Variants in MAGI2 observed in about 807,000 individuals in gnomAD.
The protein encoded by MAGI2 is membrane-associated guanylate kinase, WW and PDZ domain-containing protein 2.
A neutral mutation model predicts 133.3 loss-of-function variants in MAGI2; 35 were observed. That is an observed-to-expected ratio of 0.26 (90% confidence interval 0.20 to 0.35). The LOEUF is 0.35. Among genes scored for constraint, MAGI2 ranks in the 10% least tolerant of loss-of-function variants. The pLI is 1.00. For synonymous variants in MAGI2, 729 were observed against 710.6 expected (o/e 1.03, Z -0.41); for missense variants, 1,636 against 1,863.4 (o/e 0.88, Z 2.25).
chr7:79,162,835 C>T (rs998790869), intron 1 of MAGI2, among the ~76,000 whole-genome samples: 5 of 152,012 alleles, frequency 3.3e-5, no homozygotes, highest in Non-Finnish European at 7.4e-5. Context: ...AGTAGCTCAA[C>T]ACATAGAAGT....
At chr7:78,736,615 T>C (rs746193215) in intron 2 of MAGI2, among the ~76,000 whole-genome samples, 1 of 152,182 alleles carries the variant, frequency 6.6e-6, no homozygotes, top group Non-Finnish European at 1.5e-5. Context: ...ATCAATTTCA[T>C]AATAGTATTA....
intron 2 of MAGI2, among the ~76,000 whole-genome samples, chr7:78,941,375 A>G (rs1167500449): frequency 6.6e-6 from 1 of 152,168 alleles, no homozygotes; most frequent in Middle Eastern, 3.2e-3. Context: ...TTTGAGACAG[A>G]GTCTCAGTTT....
At position 78,127,413 on chromosome 7, in the gene MAGI2, G is replaced by A; in HGVS notation, c.3207C>T (p.Tyr1069=). The A allele has an allele frequency of 6.3e-7, 1 of 1,598,616 alleles. No homozygotes were observed. The highest frequency in any genetic ancestry group is 8.5e-7 in the Non-Finnish European group (1 of 1,177,074). Reference sequence around the variant, plus strand: ...CTTGCCTTGCTTTCACTTCCGACCTGTAACTAAATCAATGGAAATGGGATT... The same window carrying A: ...CTTGCCTTGCTTTCACTTCCGACCTATAACTAAATCAATGGAAATGGGATT... The part of the protein sequence containing the change: ...PLQLQGHENS[Y]RSEVKARQDV... The change falls in exon 19 of 22, where the codon TAC becomes TAT. Residue 1069 remains tyrosine (Y), a synonymous_variant. Transcript: ENST00000354212.
chr7:78,403,147 T>A (rs1797050500), intron 6 of MAGI2, among the ~76,000 whole-genome samples: 1 of 151,658 alleles, frequency 6.6e-6, no homozygotes, highest in South Asian at 2.1e-4. Context: ...CTGTCCCTCC[T>A]CCCTCCCCCC....
chr7:79,092,276 G>T (rs2129542630), intron 1 of MAGI2, among the ~76,000 whole-genome samples: 1 of 152,196 alleles, frequency 6.6e-6, no homozygotes, highest in African/African-American at 2.4e-5. Flanking sequence ...TTGTTGGATT[G>T]ATTTACTAAT....
At position 78,501,657 on chromosome 7, in the gene MAGI2, A is replaced by G; in HGVS notation, c.885T>C (p.Pro295=). The change falls in exon 5 of 22, where the codon CCT becomes CCC. Residue 295 remains proline (P), a synonymous_variant. Transcript: ENST00000354212. ...ATGGGTCTGGTTCCTCATTGTCTTC[A>G]GGTTTAGTTGGCTTTGTGTCATCCA... is the stretch of plus-strand genomic sequence containing the variant. ...EQMDDTKPTK[P]EDNEEPDPLP... 1.2e-6 allele frequency: 2 copies of G among 1,614,052 alleles called. No homozygotes were observed. The highest frequency in any genetic ancestry group is 1.3e-5 in the African/African-American group (1 of 74,996).
At chr7:78,319,073 A>G (rs1292404929) in intron 9 of MAGI2, among the ~76,000 whole-genome samples, 1 of 152,178 alleles carries the variant, frequency 6.6e-6, no homozygotes, top group African/African-American at 2.4e-5. Flanking sequence ...AGGCAAAATA[A>G]CCAGCTAGCA....
chr7:78,978,336 G>A (rs1804475845), intron 2 of MAGI2, among the ~76,000 whole-genome samples: 1 of 151,800 alleles, frequency 6.6e-6, no homozygotes, highest in Non-Finnish European at 1.5e-5. Context: ...TTATTTGGTG[G>A]TAATGGAAAA....
At chr7:79,260,500 A>G (rs1834004789) in intron 1 of MAGI2, among the ~76,000 whole-genome samples, 1 of 152,208 alleles carries the variant, frequency 6.6e-6, no homozygotes, top group South Asian at 2.1e-4. Context: ...ATTATCAAAG[A>G]ATTTAATGTT....
At chr7:78,060,710 G>A (rs1004030512) in intron 21 of MAGI2, among the ~76,000 whole-genome samples, 12 of 152,202 alleles carry the variant, frequency 7.9e-5, no homozygotes, top group African/African-American at 2.4e-4. Flanking sequence ...GGTTTACTAA[G>A]CCAAGAAAAC....
At chr7:79,362,460 A>T (rs1842429817) in intron 1 of MAGI2, among the ~76,000 whole-genome samples, 1 of 152,118 alleles carries the variant, frequency 6.6e-6, no homozygotes, top group South Asian at 2.1e-4. Context: ...ACCAATTTTA[A>T]CGAATCCCTT....
At chr7:79,073,052 C>CA (rs944679556) in intron 1 of MAGI2, among the ~76,000 whole-genome samples, 64 of 151,484 alleles carry the variant, frequency 4.2e-4, no homozygotes, top group South Asian at 6.3e-4. Context: ...ACAACAACAA[C>CA]AAAAAAAACA....
intron 3 of MAGI2, among the ~76,000 whole-genome samples, chr7:78,557,079 T>TAAAAAAAAAAAA (rs1799896573): frequency 3.4e-5 from 1 of 29,338 alleles, no homozygotes; most frequent in Non-Finnish European, 5.2e-5. Flanking sequence ...TGGCAGAGTC[T>TAAAAAAAAAAAA]CAAAAAAAAA....
At chr7:78,492,095 A>G (rs1003773498) in intron 5 of MAGI2, among the ~76,000 whole-genome samples, 1 of 152,096 alleles carries the variant, frequency 6.6e-6, no homozygotes, top group African/African-American at 2.4e-5. Context: ...ATGGGTAAGT[A>G]TTAAGGGAAC....
At chr7:78,992,195 T>C (rs545231504) in intron 2 of MAGI2, among the ~76,000 whole-genome samples, 259 of 152,114 alleles carry the variant, frequency 1.7e-3, no homozygotes, top group African/African-American at 5.8e-3. Context: ...AGTAGTTAGT[T>C]TACATTAGTC....
Position 78,521,472 on chromosome 7 carries a change from C to A in MAGI2, c.712G>T (p.Glu238Ter), listed in dbSNP as rs1158595763. The change falls in exon 4 of 22, where the codon GAG (glutamate) becomes TAG (stop). Residue 238 changes from glutamate to a stop codon, truncating the protein, a stop_gained. Transcript: ENST00000354212. LOFTEE classifies it high-confidence loss of function. ...SIEPPEEEEE[E>*]RPVVNGNGVV... is the part of the protein sequence containing the mutation. ...CCATTTCCATTGACCACAGGCCTCT[C>A]TTCCTCTTCCTCCTCAGGAGGCTCT... 1 of 1,614,014 alleles carries A rather than the reference C, an allele frequency of 6.2e-7. No homozygotes were observed. The highest frequency in any genetic ancestry group is 1.3e-5 in the African/African-American group (1 of 74,936).
At chr7:78,212,689 G>A (rs1373266839) in intron 10 of MAGI2, among the ~76,000 whole-genome samples, 1 of 152,104 alleles carries the variant, frequency 6.6e-6, no homozygotes, top group Non-Finnish European at 1.5e-5. Context: ...CATATAGCTG[G>A]CATCTTTCCT....
At chr7:78,752,139 T>C (rs1346769265) in intron 2 of MAGI2, among the ~76,000 whole-genome samples, 1 of 152,198 alleles carries the variant, frequency 6.6e-6, no homozygotes, top group East Asian at 1.9e-4. Context: ...GTGGAAGTAA[T>C]TCTGTGGTTG....
intron 2 of MAGI2, among the ~76,000 whole-genome samples, chr7:78,962,754 T>C (rs1443836647): frequency 6.6e-6 from 1 of 152,040 alleles, no homozygotes; most frequent in Non-Finnish European, 1.5e-5. Context: ...CAAAGATATA[T>C]AGCTTAAAAA....
Sources: allele counts gnomAD v4.1 joint callset (sites outside exome capture counted in the v4.1 genomes callset), GRCh38; gene constraint gnomAD v4.1.1; transcripts MANE v1.5; gene names NCBI Gene and HGNC (gene_info 2026-07-23, HGNC 2026-07-21).